ADAMTS6: variants seen among roughly 807,000 people sequenced by gnomAD.
The protein encoded by ADAMTS6 is ADAM metallopeptidase with thrombospondin type 1 motif 6.
Under a neutral mutation model 144.3 loss-of-function variants are expected in ADAMTS6, and 23 were observed. The observed-to-expected ratio is 0.16, with a 90% CI of 0.11 to 0.23. The LOEUF (loss-of-function observed/expected upper bound fraction) is 0.23. Among genes scored for constraint, ADAMTS6 ranks in the 10% least tolerant of loss-of-function variants. The pLI, the probability that ADAMTS6 is intolerant of heterozygous loss-of-function variation, is 1.00. For synonymous variants in ADAMTS6, 444 were observed against 457.5 expected, an observed-to-expected ratio of 0.97 and a Z score of 0.38; for missense variants, 999 against 1,379.6, an observed-to-expected ratio of 0.72 and a Z score of 4.37.
At chr5:65,305,373 G>A (rs1333377969) in intron 9 of ADAMTS6, among the ~76,000 whole-genome samples, 1 of 152,140 alleles carries the variant, frequency 6.6e-6, no homozygotes, top group Admixed American at 6.5e-5. Context: ...CTGAGTAGCT[G>A]TCTATGAGAG....
intron 22 of ADAMTS6, among the ~76,000 whole-genome samples, chr5:65,178,383 A>C (rs1754115598): frequency 6.6e-6 from 1 of 152,226 alleles, no homozygotes; most frequent in Admixed American, 6.5e-5. Context: ...ATTTGAGTCA[A>C]TATTTTGGTG....
Position 65,210,656 on chromosome 5 carries a change from A to G in ADAMTS6, c.2575+4138T>C, listed in dbSNP as rs143065641. On this transcript the variant is annotated intron_variant, in intron 20 of 24. Transcript: ENST00000381055. ...TTGTCTATCCCTCACAGTACCAAAC[A>G]ATTCCCTGGTTATGATTCTGAAAGC... 713 of 617,834 alleles carry G rather than the reference A, an allele frequency of 1.2e-3. 2 individuals are homozygous for G. In the African/African-American group the frequency reaches 0.012, roughly 10 times the overall value. 38.3% of individuals were successfully genotyped at this position (617,834 alleles called of 1,614,324 possible).
chr5:65,220,283 A>G (rs950847018), intron 18 of ADAMTS6, among the ~76,000 whole-genome samples: 4 of 152,204 alleles, frequency 2.6e-5, no homozygotes, highest in African/African-American at 9.6e-5. Context: ...AAAACTTCAT[A>G]AGGAAAATAA....
intron 7 of ADAMTS6, among the ~76,000 whole-genome samples, chr5:65,389,216 A>AG (rs1284264743): frequency 6.6e-6 from 1 of 151,954 alleles, no homozygotes; most frequent in African/African-American, 2.4e-5. Flanking sequence ...AGAAAAAAAA[A>AG]AAGAAAGAAA....
rs1038348857 is a variant in ADAMTS6, at chr5:65,149,318, A to G, written c.*2518T>C. 1 of 152,264 alleles carries G rather than the reference A, an allele frequency of 6.6e-6. No homozygotes were observed. The highest frequency in any genetic ancestry group is 2.4e-5 in the African/African-American group (1 of 41,466). The allele number at this position is 152,264 out of a possible 1,614,324, so 9.4% of individuals were successfully genotyped here. A position where few individuals can be genotyped will look rare whatever the true frequency, so the allele number is the denominator to read the frequency against. On this transcript the variant is annotated 3_prime_UTR_variant, in exon 25 of 25. Coordinates refer to ENST00000381055, the MANE Select transcript of ADAMTS6 (RefSeq NM_197941.4). Reference sequence around the variant, plus strand: ...GCATCATGTAGCCATGGGGGTGGCTACAGAGTAGCAGCAGTATTGTGATGT... The same window carrying G: ...GCATCATGTAGCCATGGGGGTGGCTGCAGAGTAGCAGCAGTATTGTGATGT...
In ADAMTS6 at chr5:65,481,096, C is replaced by A. The variant is rs574946668; in HGVS notation, c.-280+247G>T. Among the ~76,000 whole-genome samples, 10 of 124,810 alleles carry A rather than the reference C, an allele frequency of 8.0e-5. No individual in the cohort carries two copies. The South Asian group carries it at 2.5e-3, about 31-fold the overall frequency. 81.9% of individuals were successfully genotyped at this position (124,810 alleles called of 152,430 possible). A position where few individuals can be genotyped will look rare whatever the true frequency, so the allele number is the denominator to read the frequency against. ...ATGTATTGTATATTCATAAAATAAA[C>A]GTATTTTTTTTGCATCATAAAATAA... On this transcript the variant is annotated intron_variant, in intron 1 of 24. Coordinates refer to ENST00000381055, the MANE Select transcript of ADAMTS6 (RefSeq NM_197941.4).
At chr5:65,169,490 G>C (rs1406609187) in intron 24 of ADAMTS6, among the ~76,000 whole-genome samples, 1 of 133,862 alleles carries the variant, frequency 7.5e-6, no homozygotes, top group African/African-American at 3.0e-5. Flanking sequence ...ATTCCTCAGG[G>C]ATCTAGAACT....
intron 7 of ADAMTS6, among the ~76,000 whole-genome samples, chr5:65,339,272 C>T (rs1228131222): frequency 6.6e-6 from 1 of 152,066 alleles, no homozygotes; most frequent in African/African-American, 2.4e-5. Flanking sequence ...AGAAACTATA[C>T]ACAGACAATA....
intron 7 of ADAMTS6, among the ~76,000 whole-genome samples, chr5:65,400,049 T>A (rs147420221): frequency 6.6e-6 from 1 of 152,312 alleles, no homozygotes; most frequent in Non-Finnish European, 1.5e-5. Context: ...GGTGTTCTTT[T>A]CCTCAAACCT....
chr5:65,360,582 G>C (rs1037448672), intron 7 of ADAMTS6, among the ~76,000 whole-genome samples: 27 of 151,730 alleles, frequency 1.8e-4, no homozygotes, highest in Admixed American at 8.5e-4. Flanking sequence ...AAGTCAATGT[G>C]TTATAATGAA....
intron 7 of ADAMTS6, among the ~76,000 whole-genome samples, chr5:65,422,033 G>A (rs1219662432): frequency 6.6e-6 from 1 of 152,058 alleles, no homozygotes; most frequent in African/African-American, 2.4e-5. Flanking sequence ...CACAAAGTGG[G>A]AGAAAATATT....
At chr5:65,358,752 A>C (rs550492124) in intron 7 of ADAMTS6, among the ~76,000 whole-genome samples, 1 of 152,266 alleles carries the variant, frequency 6.6e-6, no homozygotes, top group East Asian at 1.9e-4. Context: ...TCTTTGACAA[A>C]GGTGCCAAGG....
intron 7 of ADAMTS6, among the ~76,000 whole-genome samples, chr5:65,384,942 G>T (rs951849246): frequency 6.6e-6 from 1 of 152,170 alleles, no homozygotes; most frequent in Non-Finnish European, 1.5e-5. Flanking sequence ...TCTGATAAGG[G>T]TTTTCTGCAT....
At chr5:65,320,232 C>T (rs1353200908) in intron 9 of ADAMTS6, among the ~76,000 whole-genome samples, 2 of 151,992 alleles carry the variant, frequency 1.3e-5, no homozygotes, top group Non-Finnish European at 2.9e-5. Context: ...CAAATTGTAC[C>T]TATCAGGAAT....
chr5:65,151,657 C>A lies in ADAMTS6; in HGVS notation c.*179G>T. 1.8e-6 allele frequency: 1 copy of A among 542,740 alleles called. No homozygotes were observed. The highest frequency in any genetic ancestry group is 2.8e-5 in the East Asian group (1 of 35,770). The allele number at this position is 542,740 out of a possible 1,614,324, so 33.6% of individuals were successfully genotyped here. On this transcript the variant is annotated 3_prime_UTR_variant, in exon 25 of 25. Transcript: ENST00000381055. ...TGTCCAGCACTTTGGATCAATAAATCCCACTTCACAGAAGCTAAAATAATA... is the reference window on the plus strand; with the variant it reads ...TGTCCAGCACTTTGGATCAATAAATACCACTTCACAGAAGCTAAAATAATA...
chr5:65,300,554 C>T (rs1007750203), intron 9 of ADAMTS6, among the ~76,000 whole-genome samples: 11 of 152,076 alleles, frequency 7.2e-5, no homozygotes, highest in Admixed American at 1.3e-4. Context: ...ATGCTGAATC[C>T]AAAAGAGAAC....
intron 7 of ADAMTS6, among the ~76,000 whole-genome samples, chr5:65,375,163 G>A (rs1751397492): frequency 6.6e-6 from 1 of 152,196 alleles, no homozygotes; most frequent in South Asian, 2.1e-4. Flanking sequence ...AACCCTAGAA[G>A]AAAACCTAGG....
At chr5:65,360,305 TAGG>T (rs1749708697) in intron 7 of ADAMTS6, among the ~76,000 whole-genome samples, 1 of 152,176 alleles carries the variant, frequency 6.6e-6, no homozygotes, top group Admixed American at 6.6e-5. Context: ...AGAACGGCAC[TAGG>T]AGAATTGTGT....
intron 1 of ADAMTS6, among the ~76,000 whole-genome samples, chr5:65,478,226 T>A (rs763074330): frequency 7.2e-5 from 11 of 152,078 alleles, no homozygotes; most frequent in Non-Finnish European, 1.6e-4. Context: ...AGTGAATGAG[T>A]TAACCCACTT....
Sources: gnomAD v4.1 joint callset for allele counts (sites outside exome capture counted in the v4.1 genomes callset) on GRCh38, gnomAD v4.1.1 for gene constraint, MANE v1.5 for transcripts, NCBI Gene and HGNC (gene_info 2026-07-23, HGNC 2026-07-21) for gene names.